EPB41L4B: variants seen among roughly 807,000 people sequenced by gnomAD.
EPB41L4B encodes erythrocyte membrane protein band 4.1 like 4B, also known as band 4.1-like protein 4B.
Under a neutral mutation model 112.5 loss-of-function variants are expected in EPB41L4B, and 30 were observed. The ratio of observed to expected loss-of-function variants is 0.27; its 90% CI spans 0.20 to 0.36. EPB41L4B has a LOEUF of 0.36. Ranked by LOEUF, EPB41L4B falls within the 10% of genes least tolerant of loss-of-function variation. The pLI is 1.00. For synonymous variants in EPB41L4B, 408 were observed against 439.7 expected, an observed-to-expected ratio of 0.93 and a Z score of 0.90; for missense variants, 1,024 against 1,133.3, an observed-to-expected ratio of 0.90 and a Z score of 1.38.
intron 1 of EPB41L4B, among the ~76,000 whole-genome samples, chr9:109,304,230 C>G (rs1837085488): frequency 1.3e-5 from 2 of 152,220 alleles, no homozygotes; most frequent in South Asian, 4.1e-4. Context: ...GAAACCTTTA[C>G]TTGGGGTACC....
chr9:109,210,381 C>A (rs1323919756), intron 17 of EPB41L4B, among the ~76,000 whole-genome samples: 1 of 152,136 alleles, frequency 6.6e-6, no homozygotes, highest in Non-Finnish European at 1.5e-5. Context: ...TTTAATTTTT[C>A]AGAATGGTAT....
chr9:109,220,779 A>G (rs1588146103), intron 15 of EPB41L4B, among the ~76,000 whole-genome samples: 1 of 150,730 alleles, frequency 6.6e-6, no homozygotes, highest in African/African-American at 2.5e-5. Flanking sequence ...GTGTGTGAGC[A>G]TATGTGTGTG....
intron 25 of EPB41L4B, among the ~76,000 whole-genome samples, chr9:109,175,432 C>T (rs1831783119): frequency 6.7e-6 from 1 of 150,330 alleles, no homozygotes; most frequent in African/African-American, 2.4e-5. Context: ...ACCTCAGGTC[C>T]AGTTGCATAT....
At chr9:109,260,520 T>C (rs1053141547) in intron 6 of EPB41L4B, among the ~76,000 whole-genome samples, 8 of 149,900 alleles carry the variant, frequency 5.3e-5, no homozygotes, top group Non-Finnish European at 1.2e-4. Flanking sequence ...GTTCAAGCAA[T>C]TCTCCTGCTT....
At chr9:109,199,345 G>A (rs937659223) in intron 20 of EPB41L4B, among the ~76,000 whole-genome samples, 5 of 152,116 alleles carry the variant, frequency 3.3e-5, no homozygotes, top group South Asian at 2.1e-4. Context: ...GCTGGACATA[G>A]GGATTTGCTT....
intron 15 of EPB41L4B, among the ~76,000 whole-genome samples, chr9:109,217,558 A>G (rs1321696931): frequency 6.6e-6 from 1 of 152,194 alleles, no homozygotes; most frequent in African/African-American, 2.4e-5. Flanking sequence ...AGAAAGCTCC[A>G]GTTAACATCA....
chr9:109,260,180 T>A (rs1299047697), intron 6 of EPB41L4B, among the ~76,000 whole-genome samples: 1 of 151,892 alleles, frequency 6.6e-6, no homozygotes, highest in Non-Finnish European at 1.5e-5. Context: ...GCTCAGGTGA[T>A]CCTCCCAGCT....
At chr9:109,192,022 C>T (rs936059676) in intron 22 of EPB41L4B, among the ~76,000 whole-genome samples, 6 of 152,172 alleles carry the variant, frequency 3.9e-5, no homozygotes, top group African/African-American at 1.4e-4. Context: ...CTATAACACT[C>T]GAAGTGCAGT....
intron 1 of EPB41L4B, among the ~76,000 whole-genome samples, chr9:109,280,741 AACG>A (rs752196652): frequency 6.6e-6 from 1 of 152,132 alleles, no homozygotes; most frequent in Non-Finnish European, 1.5e-5. Flanking sequence ...TCTCAGATAA[AACG>A]ACATCATTCT....
intron 23 of EPB41L4B, among the ~76,000 whole-genome samples, chr9:109,185,082 T>C (rs1162578414): frequency 3.3e-5 from 5 of 152,238 alleles, no homozygotes; most frequent in African/African-American, 9.6e-5. Context: ...GTTCACATTG[T>C]CAGGTAGCAC....
chr9:109,217,030 G>T lies in EPB41L4B; in HGVS notation c.1525C>A (p.Gln509Lys), dbSNP rs765241185. The change falls in exon 16 of 26, where the codon CAG (glutamine) becomes AAG (lysine). Residue 509 changes from glutamine to lysine, a missense_variant. Coordinates refer to ENST00000374566, the MANE Select transcript of EPB41L4B (RefSeq NM_019114.5). Reference protein sequence around the residue: ...AASGRHHHQHQHQHQHQHHSN... With the variant: ...AASGRHHHQHKHQHQHQHHSN... ...TGGTGCTGGTGCTGATGCTGATGCTGGTGCTGGTGGTGATGCCTTCCTGAA... is the reference window on the plus strand; with the variant it reads ...TGGTGCTGGTGCTGATGCTGATGCTTGTGCTGGTGGTGATGCCTTCCTGAA... 9.3e-6 allele frequency: 15 copies of T among 1,614,210 alleles called. No homozygotes were observed. In the South Asian group the frequency reaches 1.6e-4, roughly 18 times the overall value.
chr9:109,287,807 G>A (rs1836355322), intron 1 of EPB41L4B, among the ~76,000 whole-genome samples: 2 of 152,090 alleles, frequency 1.3e-5, no homozygotes, highest in Non-Finnish European at 2.9e-5. Flanking sequence ...CCACTATGTT[G>A]CCTAGGCTGA....
intron 1 of EPB41L4B, among the ~76,000 whole-genome samples, chr9:109,318,685 T>A (rs1837725797): frequency 6.6e-6 from 1 of 152,132 alleles, no homozygotes; most frequent in African/African-American, 2.4e-5. Context: ...AATAAAAAGC[T>A]GGAGAGCCTC....
intron 21 of EPB41L4B, among the ~76,000 whole-genome samples, chr9:109,193,521 C>T (rs1014796374): frequency 1.3e-5 from 2 of 152,234 alleles, no homozygotes; most frequent in Non-Finnish European, 2.9e-5. Context: ...CTGGGAACAG[C>T]CTCTGAAGCT....
chr9:109,289,072 A>T (rs889129399), intron 1 of EPB41L4B, among the ~76,000 whole-genome samples: 2 of 152,106 alleles, frequency 1.3e-5, no homozygotes, highest in Non-Finnish European at 2.9e-5. Flanking sequence ...TCTTTCCGTA[A>T]ACACAGCCCT....
chr9:109,262,061 G>C (rs1328685605), intron 6 of EPB41L4B, among the ~76,000 whole-genome samples: 1 of 152,072 alleles, frequency 6.6e-6, no homozygotes, highest in Non-Finnish European at 1.5e-5. Context: ...TTTAGCAAGT[G>C]TTTCTTCTGC....
chr9:109,255,467 C>T, intron 11 of EPB41L4B, 44 bp downstream of exon 11: 1 of 1,602,174 alleles, frequency 6.2e-7, no homozygotes, highest in Non-Finnish European at 8.5e-7. Flanking sequence ...CACAGTTGCC[C>T]TCCTTCAGAA....
At position 109,216,828 on chromosome 9, in the gene EPB41L4B, C is replaced by T. The variant is rs1019302771; in HGVS notation, c.1633+94G>A. 4.2e-5 allele frequency: 52 copies of T among 1,243,882 alleles called. No homozygotes were observed. In the African/African-American group the frequency reaches 6.5e-4, roughly 16 times the overall value. 77.1% of individuals were successfully genotyped at this position (1,243,882 alleles called of 1,614,324 possible). On this transcript the variant is annotated intron_variant, in intron 16 of 25. Transcript: ENST00000374566. ...ATAACATGACAACCATTGTGTGCTG[C>T]ACCGCAAGGGTCTGTCTTAAGAATC...
intron 1 of EPB41L4B, among the ~76,000 whole-genome samples, chr9:109,294,468 G>A (rs1009483741): frequency 6.6e-6 from 1 of 151,886 alleles, no homozygotes; most frequent in Admixed American, 6.6e-5. Context: ...TAAGAATTTA[G>A]CCAAGAGCAG....
Sources: gnomAD v4.1 joint callset for allele counts (sites outside exome capture counted in the v4.1 genomes callset) on GRCh38, gnomAD v4.1.1 for gene constraint, MANE v1.5 for transcripts, NCBI Gene and HGNC (gene_info 2026-07-23, HGNC 2026-07-21) for gene names.